Variants in CELF2 observed in about 807,000 individuals in gnomAD.
The protein encoded by CELF2 is CUG triplet repeat RNA-binding protein 2.
CELF2 carries 8 observed loss-of-function variants against 62.6 expected under a neutral mutation model. The observed-to-expected ratio is 0.13, with a 90% CI of 0.07 to 0.23. The LOEUF (loss-of-function observed/expected upper bound fraction) is 0.23, where lower values mean the gene tolerates loss of function less well. CELF2 is among the 10% of genes least tolerant of loss of function. CELF2 has a pLI of 1.00. For synonymous variants in CELF2, 258 were observed against 250.0 expected (o/e 1.03, Z -0.30); for missense variants, 333 against 671.0 (o/e 0.50, Z 5.56).
chr10:11,066,290 C>G (rs976586315), intron 1 of CELF2, among the ~76,000 whole-genome samples: 8 of 150,586 alleles, frequency 5.3e-5, no homozygotes, highest in African/African-American at 2.0e-4. Flanking sequence ...CTTTTTTTTC[C>G]TTCTCTGAAA....
chr10:10,759,555 C>T, the CELF2 span, among the ~76,000 whole-genome samples: 2 of 151,816 alleles, frequency 1.3e-5, no homozygotes, highest in Non-Finnish European at 2.9e-5. Flanking sequence ...GGTGATCACC[C>T]GCCTCGGCCT....
rs545735001 is a variant in CELF2 at position 11,247,496 on chromosome 10, C to CT, written c.355-1656dup. ...CCACACCCCTGGACCCCTGTGGGCTCTGTCCTGCCTCTCCCCACATGCTTG... is the reference window on the plus strand; with the variant it reads ...CCACACCCCTGGACCCCTGTGGGCTCTTGTCCTGCCTCTCCCCACATGCTTG... On this transcript the variant is annotated intron_variant, in intron 3 of 12. Transcript: ENST00000633077. The surrounding 1 kb of genome is among the most constrained non-coding windows in gnomAD (Gnocchi z 5.4). Among the ~76,000 whole-genome samples the CT allele has an allele frequency of 8.1e-4, 124 of 152,340 alleles. No homozygotes were observed. Among genetic ancestry groups the CT allele is most frequent in the African/African-American group, 2.8e-3 (117 of 41,584 alleles).
chr10:10,602,530 T>C, the CELF2 span, among the ~76,000 whole-genome samples: 6 of 152,206 alleles, frequency 3.9e-5, no homozygotes, highest in Admixed American at 6.5e-5. Context: ...GACAATCCTT[T>C]ATATTTACGC....
At chr10:11,233,797 C>T (rs1257067512) in intron 3 of CELF2, among the ~76,000 whole-genome samples, 2 of 152,174 alleles carry the variant, frequency 1.3e-5, no homozygotes, top group South Asian at 2.1e-4. Context: ...TTGGGACTCA[C>T]CAGTTGTCAT....
At chr10:10,644,843 G>A in the CELF2 span, among the ~76,000 whole-genome samples, 1 of 152,208 alleles carries the variant, frequency 6.6e-6, no homozygotes, top group Non-Finnish European at 1.5e-5. Flanking sequence ...ACAACTGGGA[G>A]AATGTCAGCA....
chr10:10,624,700 C>T, the CELF2 span, among the ~76,000 whole-genome samples: 1 of 152,172 alleles, frequency 6.6e-6, no homozygotes, highest in Non-Finnish European at 1.5e-5. Flanking sequence ...CCCAACAGAT[C>T]TAAACATCTA....
chr10:10,548,787 T>C, the CELF2 span, among the ~76,000 whole-genome samples: 2 of 152,184 alleles, frequency 1.3e-5, no homozygotes, highest in African/African-American at 4.8e-5. Flanking sequence ...TTTAAAAGGA[T>C]GTTTAGGGTG....
At chr10:11,093,448 A>G (rs549549909) in intron 1 of CELF2, among the ~76,000 whole-genome samples, 9 of 152,210 alleles carry the variant, frequency 5.9e-5, no homozygotes, top group East Asian at 1.9e-4. Context: ...CATGCAAACT[A>G]GGGATGTGGA....
At chr10:10,920,856 AG>A (rs1254217713) in intron 2 of CELF2, among the ~76,000 whole-genome samples, 1 of 151,768 alleles carries the variant, frequency 6.6e-6, no homozygotes, top group Non-Finnish European at 1.5e-5. Flanking sequence ...GAAGGGAGGG[AG>A]GAAGGGGCAA....
intron 1 of CELF2, among the ~76,000 whole-genome samples, chr10:11,052,537 T>A (rs763666860): frequency 2.6e-5 from 4 of 152,152 alleles, no homozygotes; most frequent in Non-Finnish European, 5.9e-5. Flanking sequence ...TGAACTTTTG[T>A]CCTGTTCAGA....
the CELF2 span, among the ~76,000 whole-genome samples, chr10:10,641,258 C>G: frequency 6.6e-6 from 1 of 152,144 alleles, no homozygotes; most frequent in Admixed American, 6.5e-5. Context: ...CTAATGCAAC[C>G]TTCAGCACGT....
At position 11,242,256 on chromosome 10, in the gene CELF2, TCATG is replaced by T. The variant is rs2074152970; in HGVS notation, c.355-6896_355-6893del. On this transcript the variant is annotated intron_variant, in intron 3 of 12. Coordinates refer to ENST00000633077, the MANE Select transcript of CELF2 (RefSeq NM_001326342.2). This position sits in a 1 kb window ranked among gnomAD's most constrained non-coding sequence, Gnocchi z 4.8. ...TAAAAATGGCATGTTTTATTGAATC[TCATG>T]TTAAAGGTGGTTAACTCATCAATTG... 6.6e-6 allele frequency among the ~76,000 whole-genome samples: 1 copy of T among 152,204 alleles called. No individual in the cohort carries two copies. Among genetic ancestry groups the T allele is most frequent in the Non-Finnish European group, 1.5e-5 (1 of 68,042 alleles).
At chr10:11,111,434 C>G (rs1414608392) in intron 1 of CELF2, among the ~76,000 whole-genome samples, 26 of 152,114 alleles carry the variant, frequency 1.7e-4, no homozygotes, top group Non-Finnish European at 1.5e-5. Context: ...CTTAGTTTTT[C>G]TTTGATCTGC....
chr10:11,160,572 G>A (rs2065469667), intron 1 of CELF2, among the ~76,000 whole-genome samples: 1 of 149,968 alleles, frequency 6.7e-6, no homozygotes. Flanking sequence ...CCACCATATT[G>A]GACTGTGCAA....
intron 2 of CELF2, among the ~76,000 whole-genome samples, chr10:10,920,253 T>C (rs2064766661): frequency 6.6e-6 from 1 of 152,234 alleles, no homozygotes; most frequent in Non-Finnish European, 1.5e-5. Context: ...ATGGTATATT[T>C]GGAGATGTAT....
At chr10:11,142,753 C>T (rs2061568985) in intron 1 of CELF2, among the ~76,000 whole-genome samples, 1 of 147,774 alleles carries the variant, frequency 6.8e-6, no homozygotes, top group African/African-American at 2.5e-5. Flanking sequence ...CCGAGAAATA[C>T]ACACCTGTAG....
At chr10:10,840,081 A>G (rs2058579614) in intron 1 of CELF2, among the ~76,000 whole-genome samples, 1 of 152,150 alleles carries the variant, frequency 6.6e-6, no homozygotes, top group South Asian at 2.1e-4. Context: ...GTCTGGATGT[A>G]CTAGTTTGTT....
the CELF2 span, among the ~76,000 whole-genome samples, chr10:10,787,321 C>T: frequency 2.0e-5 from 3 of 152,070 alleles, no homozygotes; most frequent in African/African-American, 7.2e-5. Flanking sequence ...GTAATGCTGG[C>T]CTAATAGCTA....
intron 1 of CELF2, among the ~76,000 whole-genome samples, chr10:11,123,210 T>G (rs1002423130): frequency 7.2e-5 from 11 of 152,126 alleles, no homozygotes; most frequent in African/African-American, 2.4e-4. Flanking sequence ...GCACACTGTT[T>G]GGAGGTCCCA....
Sources: gnomAD v4.1 joint callset for allele counts (sites outside exome capture counted in the v4.1 genomes callset) on GRCh38, gnomAD v4.1.1 for gene constraint, Gnocchi (gnomAD v3.1) non-coding constraint, MANE v1.5 for transcripts, NCBI Gene and HGNC (gene_info 2026-07-23, HGNC 2026-07-21) for gene names.